The following F13B variants were observed in gnomAD, a reference collection of about 807,000 sequenced individuals.
F13B encodes the protein coagulation factor XIII B chain, also known as TGase.
F13B carries 58 observed loss-of-function variants against 79.8 expected under a neutral mutation model. The observed-to-expected ratio is 0.73, with a 90% CI of 0.59 to 0.90. F13B has a LOEUF of 0.90. F13B is among the 40% of genes least tolerant of loss of function. F13B has a pLI of 0.00. For missense variants in F13B, 773 were observed against 777.0 expected, an observed-to-expected ratio of 0.99 and a Z score of 0.06; for synonymous variants, 283 against 260.3, an observed-to-expected ratio of 1.09 and a Z score of -0.84.
intron 9 of F13B, among the ~76,000 whole-genome samples, chr1:197,052,313 C>T (rs1481930736): frequency 3.9e-5 from 6 of 152,188 alleles, no homozygotes; most frequent in African/African-American, 1.4e-4. Context: ...AATGCTTTTA[C>T]ACTGCTGATG....
At chr1:197,055,124 G>C (rs1233665673) in intron 8 of F13B, among the ~76,000 whole-genome samples, 2 of 151,870 alleles carry the variant, frequency 1.3e-5, no homozygotes, top group African/African-American at 4.8e-5. Context: ...ATATACCTCT[G>C]CATCATATCA....
chr1:197,065,591 A>G (rs1656019425), intron 1 of F13B, among the ~76,000 whole-genome samples: 1 of 152,186 alleles, frequency 6.6e-6, no homozygotes, highest in Non-Finnish European at 1.5e-5. Flanking sequence ...GAGATGATAT[A>G]CTTCAAAACT....
rs541406136 is a variant in F13B, at chr1:197,063,507, G to A, written c.65-450C>T. ...TTTTTGTTTTATTTTTTGTAGAGATGAGGGGTCTCACTCTGTTGCTCACGC... is the reference window on the plus strand; with the variant it reads ...TTTTTGTTTTATTTTTTGTAGAGATAAGGGGTCTCACTCTGTTGCTCACGC... On this transcript the variant is annotated intron_variant, in intron 1 of 11. Coordinates refer to ENST00000367412, the MANE Select transcript of F13B (RefSeq NM_001994.3). Among the ~76,000 whole-genome samples the A allele has an allele frequency of 2.0e-5, 3 of 152,064 alleles. No homozygotes were observed. In the South Asian group the frequency reaches 6.2e-4, roughly 32 times the overall value.
In F13B at chr1:197,060,540, A is replaced by G. The variant is rs765659263; in HGVS notation, c.631T>C (p.Leu211=). The G allele has an allele frequency of 6.4e-7, 1 of 1,565,048 alleles. No individual in the cohort carries two copies. Among genetic ancestry groups the G allele is most frequent in the South Asian group, 1.2e-5 (1 of 86,738 alleles). The change falls in exon 5 of 12, where the codon TTA becomes CTA. Residue 211 remains leucine, a splice_region_variant and synonymous_variant. Transcript: ENST00000367412. ...ATTAATCTTAAAGAAGAGCACTTTA[A>G]TTCTGCAAATAAAAGAATGAATAAA... The part of the protein sequence containing the change: ...GWSLTPKCTK[L]KCSSLRLIEN...
intron 10 of F13B, among the ~76,000 whole-genome samples, chr1:197,041,345 G>A (rs10484502): frequency 0.45 from 68,128 of 151,808 alleles, 16,857 homozygotes; most frequent in East Asian, 0.82. Context: ...CCCATGTATC[G>A]TAAACCAAAG....
At chr1:197,062,800 T>C (rs1172691351) in intron 2 of F13B, 57 bp downstream of exon 2, 6 of 1,559,962 alleles carry the variant, frequency 3.8e-6, no homozygotes, top group Non-Finnish European at 4.4e-6. Context: ...ACCCCTATTT[T>C]TATATACAAA....
intron 10 of F13B, among the ~76,000 whole-genome samples, chr1:197,041,258 A>G (rs1352163320): frequency 6.6e-6 from 1 of 152,140 alleles, no homozygotes; most frequent in Non-Finnish European, 1.5e-5. Context: ...TTCTCTTTCA[A>G]ATTTCTAGTT....
At chr1:197,063,621 T>C (rs1655947434) in intron 1 of F13B, among the ~76,000 whole-genome samples, 1 of 152,148 alleles carries the variant, frequency 6.6e-6, no homozygotes, top group African/African-American at 2.4e-5. Flanking sequence ...CCACCCTGCC[T>C]GCACTTCCTA....
chr1:197,061,291 C>G (rs1655852895), intron 3 of F13B, among the ~76,000 whole-genome samples: 1 of 152,116 alleles, frequency 6.6e-6, no homozygotes, highest in African/African-American at 2.4e-5. Context: ...TTCTAGTCTA[C>G]AAGTGCTTGA....
chr1:197,045,028 T>C (rs1047507074), intron 10 of F13B, among the ~76,000 whole-genome samples: 7 of 152,174 alleles, frequency 4.6e-5, no homozygotes, highest in Admixed American at 6.5e-5. Flanking sequence ...GGGAAATTTA[T>C]AGCACTAAAT....
Position 197,053,573 on chromosome 1 carries a change from T to G in F13B, c.1355-739A>C, listed in dbSNP as rs557627300. ...GAACTGTGAGTGCATTAAATCTCTT[T>G]CCTTTATAAATTACCCAGTCTCAGG... is the stretch of plus-strand genomic sequence containing the variant. On this transcript the variant is annotated intron_variant, in intron 8 of 11. Transcript: ENST00000367412. Among the ~76,000 whole-genome samples the G allele has an allele frequency of 5.9e-5, 9 of 152,220 alleles. No individual in the cohort carries two copies. In the South Asian group the frequency reaches 1.4e-3, roughly 25 times the overall value.
intron 1 of F13B, among the ~76,000 whole-genome samples, chr1:197,066,005 T>G (rs1656036190): frequency 6.6e-6 from 1 of 151,980 alleles, no homozygotes; most frequent in Non-Finnish European, 1.5e-5. Flanking sequence ...CTTTTTTTTT[T>G]GTTGTGTAAA....
chr1:197,042,283 A>C (rs960752475), intron 10 of F13B, among the ~76,000 whole-genome samples: 5 of 152,228 alleles, frequency 3.3e-5, no homozygotes, highest in African/African-American at 1.2e-4. Context: ...ATGAAGTCGA[A>C]TAGCACTATA....
chr1:197,057,345 T>G lies in F13B; in HGVS notation c.926A>C (p.His309Pro), dbSNP rs758239415. 6 of 1,613,976 alleles carry G rather than the reference T, an allele frequency of 3.7e-6. No homozygotes were observed. The highest frequency in any genetic ancestry group is 3.3e-5 in the Admixed American group (2 of 59,972). ...HIECELNFEI[H>P]GSAEIRCEDG... ...TTCACAACGTATTTCTGCTGACCCATGGATCTCAAAATTAAGTTCACATTC... is the reference window on the plus strand; with the variant it reads ...TTCACAACGTATTTCTGCTGACCCAGGGATCTCAAAATTAAGTTCACATTC... The change falls in exon 6 of 12, where the codon CAT becomes CCT. Residue 309 changes from histidine (H) to proline (P), a missense_variant. His to Pro is a moderately conservative substitution (Grantham distance 77, BLOSUM62 -2). Transcript: ENST00000367412.
intron 10 of F13B, among the ~76,000 whole-genome samples, chr1:197,042,279 T>C (rs1202005739): frequency 6.6e-6 from 1 of 152,126 alleles, no homozygotes; most frequent in African/African-American, 2.4e-5. Context: ...GAAAATGAAG[T>C]CGAATAGCAC....
At chr1:197,063,906 G>A (rs1282319286) in intron 1 of F13B, among the ~76,000 whole-genome samples, 3 of 151,852 alleles carry the variant, frequency 2.0e-5, no homozygotes, top group African/African-American at 7.3e-5. Flanking sequence ...GTACAGTTCA[G>A]GAATAGGTAA....
chr1:197,054,379 T>C (rs1655559449), intron 8 of F13B, among the ~76,000 whole-genome samples: 1 of 151,974 alleles, frequency 6.6e-6, no homozygotes, highest in Admixed American at 6.6e-5. Flanking sequence ...ATGAGACCAA[T>C]AGCAAAATTC....
chr1:197,053,016 T>A (rs1215905678), intron 8 of F13B, among the ~76,000 whole-genome samples, 182 bp from the exon 9 acceptor site: 2 of 151,958 alleles, frequency 1.3e-5, no homozygotes, highest in African/African-American at 2.4e-5. Flanking sequence ...ATCAAATGAA[T>A]CTATACATTA....
chr1:197,057,620 T>C (rs1433330955), intron 5 of F13B, among the ~76,000 whole-genome samples, 155 bp from the exon 6 acceptor site: 2 of 152,198 alleles, frequency 1.3e-5, no homozygotes, highest in Non-Finnish European at 2.9e-5. Flanking sequence ...GTTAACTTCC[T>C]TGTGTGATAC....
Sources: allele counts gnomAD v4.1 joint callset (sites outside exome capture counted in the v4.1 genomes callset), GRCh38; gene constraint gnomAD v4.1.1; transcripts MANE v1.5; gene names NCBI Gene and HGNC (gene_info 2026-07-23, HGNC 2026-07-21).